The following MX2 variants were observed in gnomAD, a reference collection of about 807,000 sequenced individuals.
The protein encoded by MX2 is interferon-induced GTP-binding protein Mx2.
A neutral mutation model predicts 74.0 loss-of-function variants in MX2; 51 were observed. That is an observed-to-expected ratio of 0.69 (90% CI 0.55 to 0.87). The LOEUF is 0.87. Ranked by LOEUF, MX2 falls within the 40% of genes least tolerant of loss-of-function variation. The pLI is 0.00. For missense variants in MX2, 832 were observed against 908.7 expected (o/e 0.92, Z 1.09); for synonymous variants, 369 against 339.3 (o/e 1.09, Z -0.96).
chr21:41,405,152 A>G (rs1174777360), intron 12 of MX2, among the ~76,000 whole-genome samples: 1 of 152,080 alleles, frequency 6.6e-6, no homozygotes, highest in African/African-American at 2.4e-5. Flanking sequence ...TCTACTAAAA[A>G]TACAAAAATT....
intron 3 of MX2, among the ~76,000 whole-genome samples, chr21:41,378,632 G>A (rs2089446716): frequency 6.6e-6 from 1 of 152,250 alleles, no homozygotes; most frequent in South Asian, 2.1e-4. Flanking sequence ...TGTTTAGAGT[G>A]AAGAAGCTGT....
chr21:41,398,246 T>C (rs1601427560), intron 8 of MX2, among the ~76,000 whole-genome samples: 1 of 152,006 alleles, frequency 6.6e-6, no homozygotes, highest in African/African-American at 2.4e-5. Context: ...AAGGTGGAGG[T>C]TGTGGTGAGC....
At chr21:41,398,045 C>T (rs1002963944) in intron 8 of MX2, among the ~76,000 whole-genome samples, 4 of 152,174 alleles carry the variant, frequency 2.6e-5, no homozygotes, top group African/African-American at 9.7e-5. Flanking sequence ...CATGGTGGCT[C>T]ATGCCTGTAA....
At chr21:41,403,478 G>A (rs1007040759) in intron 12 of MX2, 135 bp downstream of exon 12, 2 of 844,278 alleles carry the variant, frequency 2.4e-6, no homozygotes, top group African/African-American at 1.7e-5. Flanking sequence ...GGCAGGGCTG[G>A]CGGGGCTGGT....
chr21:41,373,381 C>G (rs1241414710), intron 1 of MX2, among the ~76,000 whole-genome samples: 1 of 152,200 alleles, frequency 6.6e-6, no homozygotes, highest in Non-Finnish European at 1.5e-5. Context: ...GGGTGAGCCA[C>G]ACCCTCTCTG....
chr21:41,393,110 C>CAAAAAAAAAAAAAAAAAAAAAAAAAAGA (rs373955778), intron 6 of MX2, among the ~76,000 whole-genome samples: 1 of 60,086 alleles, frequency 1.7e-5, no homozygotes, highest in African/African-American at 5.0e-5. Flanking sequence ...CTCAAAAAAG[C>CAAAAAAAAAAAAAAAAAAAAAAAAAAGA]AAAAAAAAAA....
At chr21:41,373,350 AC>A (rs2089350717) in intron 1 of MX2, among the ~76,000 whole-genome samples, 1 of 152,130 alleles carries the variant, frequency 6.6e-6, no homozygotes, top group East Asian at 1.9e-4. Context: ...CCCGGCTGTC[AC>A]CAATGCATGA....
intron 12 of MX2, among the ~76,000 whole-genome samples, chr21:41,406,502 G>T (rs2089888257): frequency 6.6e-6 from 1 of 152,198 alleles, no homozygotes; most frequent in Non-Finnish European, 1.5e-5. Context: ...ACTGGGGATG[G>T]CCAGAGAGGA....
In MX2 at chr21:41,380,271, C is replaced by T; in HGVS notation, c.577+120C>T. 3 of 1,341,222 alleles carry T rather than the reference C, an allele frequency of 2.2e-6. No homozygotes were observed. The highest frequency in any genetic ancestry group is 3.1e-6 in the Non-Finnish European group (3 of 974,378). 83.1% of individuals were successfully genotyped at this position (1,341,222 alleles called of 1,614,324 possible). ...CACTCAGCTCCTAGCCCCATGTGCT[C>T]CCACATGGGGCTGAACCCATTGCTG... is the stretch of plus-strand genomic sequence containing the variant. On this transcript the variant is annotated intron_variant, in intron 4 of 13. Coordinates refer to ENST00000330714, the MANE Select transcript of MX2 (RefSeq NM_002463.2). The surrounding 1 kb of genome is among the most constrained non-coding windows in gnomAD (Gnocchi z 4.3).
intron 6 of MX2, among the ~76,000 whole-genome samples, chr21:41,392,614 T>C (rs1236849498): frequency 1.3e-5 from 2 of 152,182 alleles, no homozygotes; most frequent in Non-Finnish European, 2.9e-5. Context: ...ACAATGTAAA[T>C]GTACTTAATT....
At position 41,363,079 on chromosome 21, in the gene MX2, C is replaced by A. The variant is rs1411037537; in HGVS notation, c.-72+1024C>A. Among the ~76,000 whole-genome samples, 1 of 152,142 alleles carries A rather than the reference C, an allele frequency of 6.6e-6. No individual in the cohort carries two copies. Among genetic ancestry groups the A allele is most frequent in the Non-Finnish European group, 1.5e-5 (1 of 67,998 alleles). The stretch of plus-strand genomic sequence containing the variant: ...CGGCTTTGATGACACCTTTTGAACA[C>A]TGTTCTTTCTCATTTTGTGTTTAGA... On this transcript the variant is annotated intron_variant, in intron 1 of 13. Transcript: ENST00000330714. The surrounding 1 kb of genome is among the most constrained non-coding windows in gnomAD (Gnocchi z 4.2).
intron 5 of MX2, among the ~76,000 whole-genome samples, chr21:41,383,728 T>A (rs1434419791): frequency 6.6e-6 from 1 of 152,158 alleles, no homozygotes; most frequent in Non-Finnish European, 1.5e-5. Context: ...TGGGGCAAAA[T>A]CTTGGTTAGT....
intron 7 of MX2, among the ~76,000 whole-genome samples, chr21:41,397,272 G>A (rs2089748390): frequency 6.6e-6 from 1 of 152,182 alleles, no homozygotes; most frequent in African/African-American, 2.4e-5. Context: ...ATTGGTGCCT[G>A]GCACTTAGTA....
rs116557731 is a variant in MX2 at position 41,375,227 on chromosome 21, G to A, written c.-71-1609G>A. 4.8e-3 allele frequency among the ~76,000 whole-genome samples: 725 copies of A among 152,312 alleles called. 9 individuals are homozygous for A. The highest frequency in any genetic ancestry group is 0.017 in the African/African-American group (697 of 41,568). ...TTGTCACCTGGAGCCTGGTTGGTTG[G>A]TATATTTGTTTTGGCATTTCCCTGC... On this transcript the variant is annotated intron_variant, in intron 1 of 13. Coordinates refer to ENST00000330714, the MANE Select transcript of MX2 (RefSeq NM_002463.2).
rs2089230820 is a variant in MX2 at position 41,363,107 on chromosome 21, G to A, written c.-72+1052G>A. 6.6e-6 allele frequency among the ~76,000 whole-genome samples: 1 copy of A among 152,074 alleles called. No homozygotes were observed. The highest frequency in any genetic ancestry group is 1.5e-5 in the Non-Finnish European group (1 of 68,000). On this transcript the variant is annotated intron_variant, in intron 1 of 13. Coordinates refer to ENST00000330714, the MANE Select transcript of MX2 (RefSeq NM_002463.2). The surrounding 1 kb of genome is among the most constrained non-coding windows in gnomAD (Gnocchi z 4.2). ...TTCTTTCTCATTTTGTGTTTAGAAT[G>A]TTGTCTCTAGCTGTTTAAAAAGATC...
chr21:41,392,335 A>G (rs1461119393), intron 6 of MX2, among the ~76,000 whole-genome samples: 3 of 152,258 alleles, frequency 2.0e-5, no homozygotes, highest in African/African-American at 7.2e-5. Flanking sequence ...TTTAGCCTCA[A>G]AAAGGAGGGA....
At position 41,390,682 on chromosome 21, in the gene MX2, C is replaced by T. The variant is rs1414379000; in HGVS notation, c.850C>T (p.Pro284Ser). ...EALSMAHEVD[P>S]EGDRTIGILT... The stretch of plus-strand genomic sequence containing the variant: ...GCTGAGCATGGCCCATGAGGTGGAC[C>T]CGGAAGGGGACAGGACCATCGGTAA... Residue 284 changes from proline (P) to serine (S), a missense_variant, in exon 6 of 14, where the codon CCG becomes TCG. Transcript: ENST00000330714. 3 of 1,614,028 alleles carry T rather than the reference C, an allele frequency of 1.9e-6. No individual in the cohort carries two copies. The highest frequency in any genetic ancestry group is 2.5e-6 in the Non-Finnish European group (3 of 1,180,004).
rs774152212 is a variant in MX2, at chr21:41,403,249, T to G, written c.1574-18T>G. On this transcript the variant is annotated intron_variant, in intron 11 of 13. Transcript: ENST00000330714. Reference sequence around the variant, plus strand: ...CTGATGTTTTCTTCTTCTTCTCCTTTTTGCTTTTTTTGGTCAGAAATTATC... The same window carrying G: ...CTGATGTTTTCTTCTTCTTCTCCTTGTTGCTTTTTTTGGTCAGAAATTATC... 2 of 1,504,912 alleles carry G rather than the reference T, an allele frequency of 1.3e-6. No homozygotes were observed. Among genetic ancestry groups the G allele is most frequent in the Non-Finnish European group, 1.8e-6 (2 of 1,114,078 alleles). 93.2% of individuals were successfully genotyped at this position (1,504,912 alleles called of 1,614,324 possible). A position where few individuals can be genotyped will look rare whatever the true frequency, so the allele number is the denominator to read the frequency against.
At chr21:41,379,806 G>A (rs73370125) in intron 3 of MX2, among the ~76,000 whole-genome samples, 4,698 of 152,258 alleles carry the variant, frequency 0.031, 242 homozygotes, top group African/African-American at 0.11. Context: ...CTCCGGCAGC[G>A]AACACTTCCC....
Sources: gnomAD v4.1 joint callset for allele counts (sites outside exome capture counted in the v4.1 genomes callset) on GRCh38, gnomAD v4.1.1 for gene constraint, Gnocchi (gnomAD v3.1) non-coding constraint, MANE v1.5 for transcripts, NCBI Gene and HGNC (gene_info 2026-07-23, HGNC 2026-07-21) for gene names.